The following RNPS1 variants were observed in gnomAD, a reference collection of about 807,000 sequenced individuals.
RNPS1 encodes the protein RNA-binding protein with serine-rich domain 1.
For synonymous variants in RNPS1, 147 were observed against 150.0 expected (o/e 0.98, Z 0.15); for missense variants, 300 against 427.6 (o/e 0.70, Z 2.63).
At chr16:2,264,432 C>CG in intron 2 of RNPS1, 101 bp from the exon 3 acceptor site, 1 of 1,570,092 alleles carries the variant, frequency 6.4e-7, no homozygotes, top group South Asian at 1.1e-5. Context: ...CACAGAGACC[C>CG]GAGGTGACCA....
chr16:2,264,455 G>A (rs1456071269), intron 2 of RNPS1, 118 bp downstream of exon 2: 20 of 1,518,480 alleles, frequency 1.3e-5, no homozygotes, highest in Non-Finnish European at 1.6e-5. Context: ...GAGCAAAGTG[G>A]TCTGTGGCTC....
chr16:2,262,586 T>G (rs1484288098), intron 5 of RNPS1, among the ~76,000 whole-genome samples, 154 bp downstream of exon 5: 1 of 152,136 alleles, frequency 6.6e-6, no homozygotes, highest in Non-Finnish European at 1.5e-5. Context: ...CAGACACATG[T>G]ATTAATGGTC....
intron 1 of RNPS1, chr16:2,266,250 C>T: frequency 2.0e-6 from 2 of 985,452 alleles, no homozygotes; most frequent in South Asian, 4.7e-5. Flanking sequence ...TGGCTTTGAA[C>T]AGTCAAATGA....
intron 3 of RNPS1, 42 bp from the exon 4 acceptor site, chr16:2,263,329 C>T (rs761919437): frequency 6.2e-7 from 1 of 1,602,152 alleles, no homozygotes; most frequent in African/African-American, 1.3e-5. Context: ...CACACCAAGT[C>T]TCACAGTACA....
intron 1 of RNPS1, chr16:2,267,818 G>A (rs1352669373): frequency 3.4e-6 from 5 of 1,475,428 alleles, no homozygotes; most frequent in East Asian, 2.8e-5. Context: ...CCGCCGAGCG[G>A]ACGAAGCACA....
intron 1 of RNPS1, chr16:2,265,593 T>C (rs2141589031): frequency 6.6e-6 from 1 of 152,294 alleles, no homozygotes; most frequent in East Asian, 1.9e-4. Context: ...CAAGCATTTC[T>C]TCTGCGTCAG....
chr16:2,267,293 G>T, intron 1 of RNPS1: 24 of 984,304 alleles, frequency 2.4e-5, no homozygotes, highest in Non-Finnish European at 2.9e-5. Context: ...AGGGCGTTTC[G>T]GCACAAATCT....
chr16:2,257,228 T>C (rs1435438573), intron 6 of RNPS1: 1 of 152,156 alleles, frequency 6.6e-6, no homozygotes, highest in Admixed American at 6.5e-5. Context: ...TAGCTGGGGA[T>C]ACTGGGAGCC....
intron 3 of RNPS1, among the ~76,000 whole-genome samples, chr16:2,263,496 G>A (rs968984084): frequency 3.3e-5 from 5 of 152,216 alleles, no homozygotes; most frequent in Non-Finnish European, 7.3e-5. Context: ...ACAGGACAGA[G>A]GTGATGGGCT....
At chr16:2,267,768 G>A (rs2093631147) in intron 1 of RNPS1, 73 of 1,336,978 alleles carry the variant, frequency 5.5e-5, no homozygotes, top group Non-Finnish European at 7.0e-5. Flanking sequence ...CGGAGGCCGC[G>A]CTCCCCGCTG....
intron 6 of RNPS1, among the ~76,000 whole-genome samples, chr16:2,262,044 T>C (rs1039706929): frequency 3.2e-4 from 48 of 152,358 alleles, no homozygotes; most frequent in African/African-American, 1.0e-3. Flanking sequence ...CTGCAACTGG[T>C]TGCAGAAATA....
At chr16:2,267,750 C>A (rs2093631031) in intron 1 of RNPS1, 1 of 1,317,324 alleles carries the variant, frequency 7.6e-7, no homozygotes. Context: ...GCGGGAGGGC[C>A]CCAAGGGCGG....
intron 4 of RNPS1, 64 bp from the exon 5 acceptor site, chr16:2,262,906 C>T (rs1311810997): frequency 1.4e-6 from 2 of 1,439,650 alleles, no homozygotes; most frequent in African/African-American, 1.4e-5. Flanking sequence ...AGACGCCTTT[C>T]GAGTAAGCTC....
intron 6 of RNPS1, among the ~76,000 whole-genome samples, chr16:2,259,614 G>A (rs1224804918): frequency 6.6e-6 from 1 of 152,224 alleles, no homozygotes; most frequent in Non-Finnish European, 1.5e-5. Context: ...ATAAGGCCGG[G>A]TGCAGTGGCT....
intron 7 of RNPS1, among the ~76,000 whole-genome samples, chr16:2,255,024 A>G (rs950091997): frequency 3.9e-5 from 6 of 152,198 alleles, no homozygotes; most frequent in African/African-American, 9.7e-5. Flanking sequence ...GGCCTGAGCC[A>G]CCATGCCTGG....
rs2141527700 is a variant in RNPS1, at chr16:2,254,082, C to A, written c.819-19G>T. 2 of 1,461,406 alleles carry A rather than the reference C, an allele frequency of 1.4e-6. No individual in the cohort carries two copies. The highest frequency in any genetic ancestry group is 1.8e-4 in the Middle Eastern group (1 of 5,576). 90.5% of individuals were successfully genotyped at this position (1,461,406 alleles called of 1,614,324 possible). A position where few individuals can be genotyped will look rare whatever the true frequency, so the allele number is the denominator to read the frequency against. Reference sequence around the variant, plus strand: ...GCGGGACCTGCGGGAAGAGGAGAAACCACATCAGAGTAGCTCAGGCTGTAG... The same window carrying A: ...GCGGGACCTGCGGGAAGAGGAGAAAACACATCAGAGTAGCTCAGGCTGTAG... On this transcript the variant is annotated intron_variant, in intron 7 of 7. Coordinates refer to ENST00000320225, the MANE Select transcript of RNPS1 (RefSeq NM_080594.4).
intron 1 of RNPS1, chr16:2,267,313 C>A (rs1481359960): frequency 2.3e-5 from 23 of 984,784 alleles, no homozygotes; most frequent in Middle Eastern, 5.2e-4. Context: ...TTCAGAGCAC[C>A]TTCCCCATTT....
chr16:2,261,696 T>C (rs1432289495), intron 6 of RNPS1, among the ~76,000 whole-genome samples: 17 of 152,208 alleles, frequency 1.1e-4, no homozygotes, highest in Admixed American at 1.1e-3. Context: ...AGGCCTTTCC[T>C]GGGCCTTAAA....
chr16:2,255,800 A>G, intron 6 of RNPS1, 74 bp from the exon 7 acceptor site: 1 of 1,486,264 alleles, frequency 6.7e-7, no homozygotes, highest in East Asian at 2.4e-5. Flanking sequence ...ACAGTGAAAG[A>G]CAGGCCTGGG....
Sources: allele counts gnomAD v4.1 joint callset (sites outside exome capture counted in the v4.1 genomes callset), GRCh38; gene constraint gnomAD v4.1.1; transcripts MANE v1.5; gene names NCBI Gene and HGNC (gene_info 2026-07-23, HGNC 2026-07-21).